The following ROBO2 variants were observed in gnomAD, a reference collection of about 807,000 sequenced individuals.
The protein encoded by ROBO2 is roundabout guidance receptor 2.
Under a neutral mutation model 160.8 loss-of-function variants are expected in ROBO2, and 53 were observed. The observed-to-expected ratio is 0.33, with a 90% CI of 0.26 to 0.41. ROBO2 has a LOEUF of 0.41. ROBO2 is among the 10% of genes least tolerant of loss of function. The pLI is 1.00. For synonymous variants in ROBO2, 664 were observed against 611.7 expected (o/e 1.09, Z -1.26); for missense variants, 1,577 against 1,722.4 (o/e 0.92, Z 1.49).
chr3:76,853,347 A>G (rs974023886), intron 2 of ROBO2, among the ~76,000 whole-genome samples: 3 of 152,098 alleles, frequency 2.0e-5, no homozygotes, highest in African/African-American at 2.4e-5. Context: ...ACAAATTTCA[A>G]TCTAACACAT....
At chr3:76,221,045 CT>C (rs78039105) in intron 2 of ROBO2, among the ~76,000 whole-genome samples, 50,265 of 152,026 alleles carry the variant, frequency 0.33, 9,227 homozygotes, top group Non-Finnish European at 0.41. Context: ...CATGAAGGAT[CT>C]CCTGTGTTGT....
chr3:77,165,068 C>T (rs569519221), intron 2 of ROBO2, among the ~76,000 whole-genome samples: 1 of 152,036 alleles, frequency 6.6e-6, no homozygotes, highest in African/African-American at 2.4e-5. Context: ...GTGTGCCCAA[C>T]GGCTCATTGA....
chr3:76,255,109 G>A (rs549537402), intron 2 of ROBO2, among the ~76,000 whole-genome samples: 1 of 152,188 alleles, frequency 6.6e-6, no homozygotes, highest in Non-Finnish European at 1.5e-5. Flanking sequence ...TCAAATTTGA[G>A]AAAAGTCATT....
chr3:76,285,956 G>T (rs1708484910), intron 2 of ROBO2, among the ~76,000 whole-genome samples: 1 of 151,960 alleles, frequency 6.6e-6, no homozygotes, highest in Non-Finnish European at 1.5e-5. Context: ...GTTTAATGAG[G>T]ACTCAAAAAT....
At chr3:76,290,183 C>A (rs568657289) in intron 2 of ROBO2, among the ~76,000 whole-genome samples, 12 of 152,150 alleles carry the variant, frequency 7.9e-5, no homozygotes, top group Admixed American at 2.6e-4. Context: ...TTGAAATCCT[C>A]ACTGTAGGGA....
Position 77,330,033 on chromosome 3 carries a change from CCTTTTTTT to C in ROBO2, c.389-147373_389-147366del, listed in dbSNP as rs1357491461. 2.0e-5 allele frequency among the ~76,000 whole-genome samples: 3 copies of C among 152,126 alleles called. No homozygotes were observed. The South Asian group carries it at 6.2e-4, about 32-fold the overall frequency. ...CTAAGTTAGTAATATTTCTACTTTTCCTTTTTTTCTTTTTTAATATAAATTAAACCATT... is the reference window on the plus strand; with the variant it reads ...CTAAGTTAGTAATATTTCTACTTTTCCTTTTTTAATATAAATTAAACCATT... On this transcript the variant is annotated intron_variant, in intron 2 of 25. Coordinates refer to ENST00000461745, the Ensembl canonical transcript of ROBO2.
At chr3:77,382,527 G>A (rs757817047) in intron 2 of ROBO2, among the ~76,000 whole-genome samples, 20 of 151,914 alleles carry the variant, frequency 1.3e-4, no homozygotes, top group African/African-American at 1.7e-4. Context: ...AGTAGTGTAC[G>A]TTGAACCCAG....
At chr3:77,212,216 G>T (rs1330339503) in intron 2 of ROBO2, among the ~76,000 whole-genome samples, 2 of 152,170 alleles carry the variant, frequency 1.3e-5, no homozygotes, top group Non-Finnish European at 2.9e-5. Context: ...AGCATGGAAT[G>T]TTCTTCCATT....
At chr3:76,779,065 T>A (rs556007218) in intron 2 of ROBO2, among the ~76,000 whole-genome samples, 1 of 151,030 alleles carries the variant, frequency 6.6e-6, no homozygotes, top group Non-Finnish European at 1.5e-5. Flanking sequence ...CTACCTCTCA[T>A]CCAGGCTGAA....
intron 2 of ROBO2, among the ~76,000 whole-genome samples, chr3:76,418,617 G>T (rs2075857620): frequency 6.7e-6 from 1 of 148,958 alleles, no homozygotes. Context: ...TGGAACTCCC[G>T]ACCTACTTCT....
At chr3:77,481,015 C>A in intron 3 of ROBO2, 84 bp from the exon 4 acceptor site, 1 of 1,250,812 alleles carries the variant, frequency 8.0e-7, no homozygotes, top group Non-Finnish European at 1.2e-6. Context: ...TGCTCAAATA[C>A]TCAAAACTAT....
intron 19 of ROBO2, among the ~76,000 whole-genome samples, chr3:77,597,317 A>AAATC (rs79523366): frequency 0.55 from 82,719 of 151,452 alleles, 22,877 homozygotes; most frequent in Middle Eastern, 0.7. Flanking sequence ...ATAAATAAAT[A>AAATC]AATAAATAAA....
intron 2 of ROBO2, among the ~76,000 whole-genome samples, chr3:77,419,128 C>A (rs1416801952): frequency 6.6e-6 from 1 of 151,984 alleles, no homozygotes; most frequent in African/African-American, 2.4e-5. Context: ...ATTTTAGAAG[C>A]AGAGAGACAG....
At chr3:76,344,054 G>A (rs1211638427) in intron 2 of ROBO2, among the ~76,000 whole-genome samples, 1 of 151,910 alleles carries the variant, frequency 6.6e-6, no homozygotes, top group Non-Finnish European at 1.5e-5. Context: ...ATAAAAGTAT[G>A]TCAATGAATT....
rs1553692972 is a variant in ROBO2 at position 76,272,795 on chromosome 3, T to TAAAATATATATATATAAA, written c.109+335194_109+335195insAAATATATATATATAAAA. Among the ~76,000 whole-genome samples, 22 of 40,156 alleles carry TAAAATATATATATATAAA rather than the reference T, an allele frequency of 5.5e-4. 2 individuals are homozygous for TAAAATATATATATATAAA. Among genetic ancestry groups the TAAAATATATATATATAAA allele is most frequent in the Non-Finnish European group, 1.0e-3 (21 of 20,440 alleles). The allele number at this position is 40,156 out of a possible 152,430, so 26.3% of individuals were successfully genotyped here. A position where few individuals can be genotyped will look rare whatever the true frequency, so the allele number is the denominator to read the frequency against. On this transcript the variant is annotated intron_variant, in intron 2 of 26. Coordinates refer to the ROBO2 transcript ENST00000487694. ...TTATATATAAAATATATAAAATATATATATATAAAATATATAATATGTATT... is the reference window on the plus strand; with the variant it reads ...TTATATATAAAATATATAAAATATATAAAATATATATATATAAAATATATAAAATATATAATATGTATT...
chr3:77,211,560 C>T (rs2084163171), intron 2 of ROBO2, among the ~76,000 whole-genome samples: 1 of 152,140 alleles, frequency 6.6e-6, no homozygotes, highest in South Asian at 2.1e-4. Flanking sequence ...TTTTGCTGTG[C>T]AGAAGCTCTT....
intron 2 of ROBO2, among the ~76,000 whole-genome samples, chr3:76,182,162 T>C (rs1325902440): frequency 6.6e-6 from 1 of 151,780 alleles, no homozygotes; most frequent in Non-Finnish European, 1.5e-5. Flanking sequence ...AAGAAAGCAA[T>C]TGAATTTCCT....
chr3:76,888,889 ATAT>A (rs1431702399), intron 2 of ROBO2, among the ~76,000 whole-genome samples: 1 of 152,230 alleles, frequency 6.6e-6, no homozygotes, highest in African/African-American at 2.4e-5. Context: ...CTCCAGAAAA[ATAT>A]TATCTGTTAA....
intron 2 of ROBO2, among the ~76,000 whole-genome samples, chr3:77,311,115 G>T (rs1580952482): frequency 6.6e-6 from 1 of 152,082 alleles, no homozygotes; most frequent in African/African-American, 2.4e-5. Flanking sequence ...AATCAATTTT[G>T]GTAATAAGAG....
Sources: gnomAD v4.1 joint callset for allele counts (sites outside exome capture counted in the v4.1 genomes callset) on GRCh38, gnomAD v4.1.1 for gene constraint, MANE v1.5 for transcripts, NCBI Gene and HGNC (gene_info 2026-07-23, HGNC 2026-07-21) for gene names.